Variants in PPARGC1B observed in about 807,000 individuals in gnomAD.
PPARGC1B encodes PPARG coactivator 1 beta, also known as peroxisome proliferator-activated receptor gamma coactivator 1-beta.
A neutral mutation model predicts 101.6 loss-of-function variants in PPARGC1B; 34 were observed. The observed-to-expected ratio is 0.33, with a 90% CI of 0.25 to 0.45. PPARGC1B has a LOEUF of 0.45. Among genes scored for constraint, PPARGC1B ranks in the 20% least tolerant of loss-of-function variants. PPARGC1B has a pLI of 1.00. For missense variants in PPARGC1B, 1,234 were observed against 1,317.6 expected (o/e 0.94, Z 0.98); for synonymous variants, 548 against 539.3 (o/e 1.02, Z -0.22).
At chr5:149,797,522 G>C (rs571394050) in intron 1 of PPARGC1B, among the ~76,000 whole-genome samples, 1 of 152,256 alleles carries the variant, frequency 6.6e-6, no homozygotes, top group South Asian at 2.1e-4. Context: ...CTTGTTATTT[G>C]TTAATAAGGA....
intron 1 of PPARGC1B, among the ~76,000 whole-genome samples, chr5:149,737,296 G>T (rs1754754265): frequency 2.6e-5 from 4 of 152,132 alleles, no homozygotes; most frequent in African/African-American, 9.7e-5. Flanking sequence ...GATTTCCGAA[G>T]GCCTTCGGGT....
intron 1 of PPARGC1B, among the ~76,000 whole-genome samples, chr5:149,805,984 G>A (rs1391765291): frequency 6.6e-6 from 1 of 152,262 alleles, no homozygotes; most frequent in Non-Finnish European, 1.5e-5. Context: ...AGCAGCAGGG[G>A]CAGCTGTGGG....
At chr5:149,768,436 G>A (rs1036549655) in intron 1 of PPARGC1B, among the ~76,000 whole-genome samples, 3 of 146,444 alleles carry the variant, frequency 2.0e-5, no homozygotes, top group Admixed American at 6.7e-5. Context: ...CACCATGCCT[G>A]GCTAATTTTT....
rs552808788 is a variant in PPARGC1B at position 149,812,154 on chromosome 5, G to A, written c.79-8279G>A. Among the ~76,000 whole-genome samples the A allele has an allele frequency of 4.6e-5, 7 of 152,358 alleles. No individual in the cohort carries two copies. In the South Asian group the frequency reaches 1.4e-3, roughly 32 times the overall value. ...CAGAAAGGGCCTTGGATGCTGGGTT[G>A]AGATCTTTTGCCTTAAATGTTTTGG... On this transcript the variant is annotated intron_variant, in intron 1 of 11. Transcript: ENST00000309241.
intron 1 of PPARGC1B, among the ~76,000 whole-genome samples, chr5:149,752,182 C>T (rs1250499700): frequency 6.6e-6 from 1 of 152,182 alleles, no homozygotes; most frequent in Non-Finnish European, 1.5e-5. Context: ...GGCTTTTAGT[C>T]TACATACTAT....
intron 1 of PPARGC1B, among the ~76,000 whole-genome samples, chr5:149,788,234 A>T (rs1306924430): frequency 6.6e-6 from 1 of 152,256 alleles, no homozygotes; most frequent in Admixed American, 6.5e-5. Flanking sequence ...TACAATAAAA[A>T]ATCAAACAAC....
At chr5:149,745,556 T>C (rs972427326) in intron 1 of PPARGC1B, among the ~76,000 whole-genome samples, 1 of 152,182 alleles carries the variant, frequency 6.6e-6, no homozygotes, top group Non-Finnish European at 1.5e-5. Flanking sequence ...CCTCTCTCTT[T>C]CCTGCCTCAG....
intron 1 of PPARGC1B, among the ~76,000 whole-genome samples, chr5:149,775,311 T>C (rs1446503844): frequency 6.6e-6 from 1 of 152,194 alleles, no homozygotes; most frequent in Non-Finnish European, 1.5e-5. Flanking sequence ...CCCACTATCA[T>C]CACGGCCTTG....
In PPARGC1B at chr5:149,770,958, A is replaced by G. The variant is rs148818853; in HGVS notation, c.78+40538A>G. On this transcript the variant is annotated intron_variant, in intron 1 of 11. Coordinates refer to ENST00000309241, the MANE Select transcript of PPARGC1B (RefSeq NM_133263.4). Reference sequence around the variant, plus strand: ...ATTAAATGTGACACAAAATTATTACAGGGTCAGGGCTTGCTGTCGTTTATG... The same window carrying G: ...ATTAAATGTGACACAAAATTATTACGGGGTCAGGGCTTGCTGTCGTTTATG... Among the ~76,000 whole-genome samples the G allele has an allele frequency of 8.6e-3, 1,317 of 152,324 alleles. 24 individuals carry two copies. The highest frequency in any genetic ancestry group is 0.03 in the African/African-American group (1,250 of 41,564).
At chr5:149,839,338 G>C (rs920495796) in intron 8 of PPARGC1B, among the ~76,000 whole-genome samples, 3 of 152,220 alleles carry the variant, frequency 2.0e-5, no homozygotes, top group Non-Finnish European at 4.4e-5. Flanking sequence ...AACTCAAGCT[G>C]TCTGACTCAC....
At chr5:149,842,119 T>C in intron 9 of PPARGC1B, 137 bp from the exon 10 acceptor site, 1 of 1,129,274 alleles carries the variant, frequency 8.9e-7, no homozygotes, top group Non-Finnish European at 1.2e-6. Flanking sequence ...CATTGTCCTC[T>C]CTCTGACTCC....
chr5:149,799,690 GTTGT>G (rs1392157405), intron 1 of PPARGC1B, among the ~76,000 whole-genome samples: 7 of 65,052 alleles, frequency 1.1e-4, no homozygotes, highest in African/African-American at 3.2e-4. Context: ...TTTGCTTGTT[GTTGT>G]TTTTTTTTTT....
At chr5:149,783,022 T>C (rs1756648636) in intron 1 of PPARGC1B, among the ~76,000 whole-genome samples, 1 of 152,054 alleles carries the variant, frequency 6.6e-6, no homozygotes, top group Non-Finnish European at 1.5e-5. Flanking sequence ...GTGCTTATGG[T>C]AGAGGTTCCT....
At chr5:149,825,541 T>A (rs1758481157) in intron 2 of PPARGC1B, among the ~76,000 whole-genome samples, 1 of 152,214 alleles carries the variant, frequency 6.6e-6, no homozygotes, top group Non-Finnish European at 1.5e-5. Context: ...AGAGAAGGCA[T>A]CTGGGACCAC....
At chr5:149,825,598 G>T (rs1053728998) in intron 2 of PPARGC1B, among the ~76,000 whole-genome samples, 11 of 152,190 alleles carry the variant, frequency 7.2e-5, no homozygotes, top group African/African-American at 2.7e-4. Flanking sequence ...CTCCATCATG[G>T]CTTCCTTTTA....
chr5:149,798,426 G>A (rs542800858), intron 1 of PPARGC1B, among the ~76,000 whole-genome samples: 9 of 152,262 alleles, frequency 5.9e-5, no homozygotes, highest in African/African-American at 1.9e-4. Flanking sequence ...AATCTTGGGG[G>A]TAAAATGGAG....
chr5:149,774,231 C>T (rs895882517), intron 1 of PPARGC1B, among the ~76,000 whole-genome samples: 1 of 152,266 alleles, frequency 6.6e-6, no homozygotes, highest in South Asian at 2.1e-4. Context: ...CCTGTTCCCC[C>T]CTAGTGAGGG....
At chr5:149,755,052 C>CATATACATATATAT (rs1360005539) in intron 1 of PPARGC1B, among the ~76,000 whole-genome samples, 4 of 108,956 alleles carry the variant, frequency 3.7e-5, no homozygotes, top group African/African-American at 1.5e-4. Context: ...TATACATATA[C>CATATACATATATAT]ATATATATAT....
intron 2 of PPARGC1B, among the ~76,000 whole-genome samples, chr5:149,824,459 C>T (rs896118410): frequency 5.9e-5 from 9 of 152,200 alleles, no homozygotes; most frequent in African/African-American, 1.9e-4. Context: ...AAAGCACTCT[C>T]ATTACTGCTT....
Sources: gnomAD v4.1 joint callset for allele counts (sites outside exome capture counted in the v4.1 genomes callset) on GRCh38, gnomAD v4.1.1 for gene constraint, MANE v1.5 for transcripts, NCBI Gene and HGNC (gene_info 2026-07-23, HGNC 2026-07-21) for gene names.